POLR3E: variants seen among roughly 807,000 people sequenced by gnomAD.
POLR3E encodes the protein RNA polymerase III subunit E, also known as DNA-directed RNA polymerase III subunit RPC5.
Under a neutral mutation model 96.6 loss-of-function variants are expected in POLR3E, and 41 were observed. That is an observed-to-expected ratio of 0.42 (90% CI 0.33 to 0.55). The LOEUF (loss-of-function observed/expected upper bound fraction) is 0.55, where lower values mean the gene tolerates loss of function less well. Among genes scored for constraint, POLR3E ranks in the 20% least tolerant of loss-of-function variants. POLR3E has a pLI of 0.06. For missense variants in POLR3E, 849 were observed against 952.1 expected (o/e 0.89, Z 1.43); for synonymous variants, 396 against 383.6 (o/e 1.03, Z -0.38).
chr16:22,303,911 A>G (rs1218581825), intron 2 of POLR3E, among the ~76,000 whole-genome samples: 1 of 150,526 alleles, frequency 6.6e-6, no homozygotes, highest in Non-Finnish European at 1.5e-5. Flanking sequence ...TCTGGGTTCA[A>G]ACGATTCTTG....
intron 6 of POLR3E, among the ~76,000 whole-genome samples, chr16:22,312,873 C>CAAAAAAAAAAAAAA (rs1167609047): frequency 6.6e-5 from 2 of 30,402 alleles, no homozygotes; most frequent in African/African-American, 2.3e-4. Context: ...CACTCCATCT[C>CAAAAAAAAAAAAAA]AAAAAAAAAA....
rs74014923 is a variant in POLR3E, at chr16:22,315,541, C to T, written c.642+333C>T. ...CTAAACGCAGGCCAGATGCATTCTC[C>T]GGTTCTGTCCTAGAGGGTCGGTCAT... is the stretch of plus-strand genomic sequence containing the variant. On this transcript the variant is annotated intron_variant, in intron 9 of 20. Coordinates refer to ENST00000299853, the MANE Select transcript of POLR3E (RefSeq NM_018119.4). Among the ~76,000 whole-genome samples the T allele has an allele frequency of 4.5e-3, 687 of 152,316 alleles. 7 individuals are homozygous for T. Among genetic ancestry groups the T allele is most frequent in the African/African-American group, 0.016 (662 of 41,554 alleles).
intron 14 of POLR3E, among the ~76,000 whole-genome samples, chr16:22,323,639 G>A (rs538850092): frequency 1.3e-5 from 2 of 152,198 alleles, no homozygotes; most frequent in East Asian, 1.9e-4. Context: ...CTGGGCAGTC[G>A]GTGTCCAGGT....
At chr16:22,316,531 C>A in intron 9 of POLR3E, 70 bp from the exon 10 acceptor site, 1 of 1,210,160 alleles carries the variant, frequency 8.3e-7, no homozygotes, top group Non-Finnish European at 1.2e-6. Flanking sequence ...AGACGGGAGG[C>A]CTTGGGGGAG....
Position 22,308,180 on chromosome 16 carries a change from T to G in POLR3E, c.120T>G (p.Asp40Glu). 1 of 1,613,678 alleles carries G rather than the reference T, an allele frequency of 6.2e-7. No individual in the cohort carries two copies. Among genetic ancestry groups the G allele is most frequent in the South Asian group, 1.1e-5 (1 of 91,076 alleles). Reference sequence around the variant, plus strand: ...TGCGTCCAGCCTCGATGACCTACGATGACATTCCGCACCTCTCAGCCAAGA... The same window carrying G: ...TGCGTCCAGCCTCGATGACCTACGAGGACATTCCGCACCTCTCAGCCAAGA... ...YPVRPASMTYDDIPHLSAKIK... is the reference protein window; with the variant it reads ...YPVRPASMTYEDIPHLSAKIK... Residue 40 changes from aspartate (D) to glutamate (E), a missense_variant, in exon 4 of 21, where the codon GAT (aspartate) becomes GAG (glutamate). By Grantham distance (45) the Asp-to-Glu change is conservative. Coordinates refer to ENST00000299853, the MANE Select transcript of POLR3E (RefSeq NM_018119.4).
intron 19 of POLR3E, among the ~76,000 whole-genome samples, chr16:22,330,741 T>C (rs1386854773): frequency 6.6e-6 from 1 of 152,164 alleles, no homozygotes; most frequent in Non-Finnish European, 1.5e-5. Context: ...ACAGTATTAC[T>C]GTTTGTCTGG....
rs760957948 is a variant in POLR3E, at chr16:22,314,081, G to A, written c.475G>A (p.Gly159Arg). ...TCAGTGGCTTGTCTCTCTTGCAGCA[G>A]GGGACTCTTCACAGGATGAGGCGGA... ...HREREAANEA[G>R]DSSQDEAEDD... is the part of the protein sequence containing the mutation. The change falls in exon 8 of 21, where the codon GGG becomes AGG. Residue 159 changes from glycine to arginine, a missense_variant and splice_region_variant. By Grantham distance (125) the Gly-to-Arg change is moderately radical (BLOSUM62 -2). Transcript: ENST00000299853. The A allele has an allele frequency of 1.2e-6, 2 of 1,613,634 alleles. No individual in the cohort carries two copies. The highest frequency in any genetic ancestry group is 2.2e-5 in the South Asian group (2 of 91,034).
chr16:22,314,152 G>C lies in POLR3E; in HGVS notation c.522+24G>C. 5 of 1,608,996 alleles carry C rather than the reference G, an allele frequency of 3.1e-6. No homozygotes were observed. In the African/African-American group the frequency reaches 5.3e-5, roughly 17 times the overall value. On this transcript the variant is annotated intron_variant, in intron 8 of 20. Coordinates refer to ENST00000299853, the MANE Select transcript of POLR3E (RefSeq NM_018119.4). ...CGGTGAGCCCTGGCCCCTGGAGGAG[G>C]AGGGTGCTGCCTGGGCGGCAGCAGG...
chr16:22,330,231 T>C (rs921029816), intron 19 of POLR3E, among the ~76,000 whole-genome samples: 2 of 151,798 alleles, frequency 1.3e-5, no homozygotes, highest in Non-Finnish European at 2.9e-5. Context: ...ACCCAGCTAA[T>C]TTTTGTATTT....
intron 19 of POLR3E, among the ~76,000 whole-genome samples, chr16:22,330,748 C>T (rs919855338): frequency 9.2e-5 from 14 of 151,994 alleles, no homozygotes; most frequent in African/African-American, 2.9e-4. Flanking sequence ...TACTGTTTGT[C>T]TGGGACTAGA....
At chr16:22,299,954 G>C (rs1221049528) in intron 1 of POLR3E, among the ~76,000 whole-genome samples, 1 of 151,962 alleles carries the variant, frequency 6.6e-6, no homozygotes, top group East Asian at 1.9e-4. Context: ...GTCTCAAGCA[G>C]TCCTTCCACC....
intron 1 of POLR3E, among the ~76,000 whole-genome samples, chr16:22,301,743 T>A (rs2048028061): frequency 5.3e-5 from 8 of 151,682 alleles, no homozygotes; most frequent in Admixed American, 5.3e-4. Flanking sequence ...CTGGCCAACA[T>A]GGCAAGTCCC....
chr16:22,311,030 A>G (rs1251868849), intron 6 of POLR3E, among the ~76,000 whole-genome samples: 1 of 152,112 alleles, frequency 6.6e-6, no homozygotes, highest in East Asian at 1.9e-4. Context: ...CAGTGGCTCA[A>G]TCTTGGCTCA....
intron 4 of POLR3E, chr16:22,308,487 G>A (rs890183499): frequency 1.1e-4 from 56 of 519,952 alleles, no homozygotes; most frequent in African/African-American, 2.3e-4. Context: ...GAGGGCGGGC[G>A]GGTGAACATG....
chr16:22,316,947 TC>T, intron 10 of POLR3E, 47 bp from the exon 11 acceptor site: 1 of 1,598,136 alleles, frequency 6.3e-7, no homozygotes, highest in East Asian at 2.2e-5. Flanking sequence ...GTGAGGAGGG[TC>T]CAGCCTGGAT....
At chr16:22,330,463 A>G (rs999477890) in intron 19 of POLR3E, among the ~76,000 whole-genome samples, 1 of 152,226 alleles carries the variant, frequency 6.6e-6, no homozygotes, top group South Asian at 2.1e-4. Context: ...TGTAGAGCCA[A>G]ACATCAGTAA....
chr16:22,306,215 C>T (rs149417694), intron 3 of POLR3E, among the ~76,000 whole-genome samples: 1 of 152,248 alleles, frequency 6.6e-6, no homozygotes, highest in Non-Finnish European at 1.5e-5. Flanking sequence ...CAGGGCTCAT[C>T]CACATGGTAG....
chr16:22,331,699 T>G (rs1202308959), intron 19 of POLR3E: 1 of 166,690 alleles, frequency 6.0e-6, no homozygotes, highest in Non-Finnish European at 1.3e-5. Context: ...GATTGTCGCT[T>G]CACCTGCTTG....
At chr16:22,326,605 C>G (rs1025874904) in intron 18 of POLR3E, 2 of 453,874 alleles carry the variant, frequency 4.4e-6, no homozygotes, top group African/African-American at 4.0e-5. Flanking sequence ...CTGTTTCCTA[C>G]TAGCTTTGCC....
Sources: gnomAD v4.1 joint callset for allele counts (sites outside exome capture counted in the v4.1 genomes callset) on GRCh38, gnomAD v4.1.1 for gene constraint, MANE v1.5 for transcripts, NCBI Gene and HGNC (gene_info 2026-07-23, HGNC 2026-07-21) for gene names.